The following COPB2 variants were observed in gnomAD, a reference collection of about 807,000 sequenced individuals.
COPB2 encodes coatomer subunit beta'.
COPB2 carries 16 observed loss-of-function variants against 120.8 expected under a neutral mutation model. That is an observed-to-expected ratio of 0.13 (90% confidence interval 0.09 to 0.20). The LOEUF (loss-of-function observed/expected upper bound fraction) is 0.20, where lower values mean the gene tolerates loss of function less well. COPB2 is among the 10% of genes least tolerant of loss of function. The pLI, the probability that COPB2 is intolerant of heterozygous loss-of-function variation, is 1.00. For synonymous variants in COPB2, 332 were observed against 366.3 expected (o/e 0.91, Z 1.07); for missense variants, 794 against 1,076.5 (o/e 0.74, Z 3.67).
At chr3:139,378,234 C>T in intron 4 of COPB2, 45 bp from the exon 5 acceptor site, 4 of 1,490,438 alleles carry the variant, frequency 2.7e-6, no homozygotes, top group Non-Finnish European at 3.6e-6. Context: ...TCTATTTTTT[C>T]ACTTCATAAC....
In COPB2 at chr3:139,373,648, G is replaced by A. The variant is rs1941663122; in HGVS notation, c.894+18C>T. The A allele has an allele frequency of 1.2e-6, 2 of 1,613,872 alleles. No homozygotes were observed. Among genetic ancestry groups the A allele is most frequent in the Non-Finnish European group, 1.7e-6 (2 of 1,179,938 alleles). The stretch of plus-strand genomic sequence containing the variant: ...GGTTTTGCCTATGTCCACCTACTGA[G>A]AGGGATAGTATAATTACCTTAACAA... On this transcript the variant is annotated intron_variant, in intron 8 of 21. Coordinates refer to ENST00000333188, the MANE Select transcript of COPB2 (RefSeq NM_004766.3).
chr3:139,385,720 A>G (rs1941907906), intron 1 of COPB2, among the ~76,000 whole-genome samples: 1 of 152,260 alleles, frequency 6.6e-6, no homozygotes, highest in African/African-American at 2.4e-5. Context: ...CCTTTGAATT[A>G]CAGAACAGAT....
chr3:139,378,172 G>C lies in COPB2; in HGVS notation c.373C>G (p.Leu125Val), dbSNP rs771491387. The change falls in exon 5 of 22, where the codon CTC (leucine) becomes GTC (valine). Residue 125 changes from leucine to valine, a missense_variant. By Grantham distance (32) the Leu-to-Val change is conservative. This residue lies in a region of COPB2 where 610 missense variants were observed against 866.7 expected (regional missense o/e 0.70). Transcript: ENST00000333188. ...GACCATTTTTTATCCCAGTCCCAGA[G>C]CTTAATAAGCATGTCATCTAGGCCA... Reference protein sequence around the residue: ...LTSSDDMLIKLWDWDKKWSCS... With the variant: ...LTSSDDMLIKVWDWDKKWSCS... 14 of 1,571,594 alleles carry C rather than the reference G, an allele frequency of 8.9e-6. No homozygotes were observed. The highest frequency in any genetic ancestry group is 1.3e-5 in the African/African-American group (1 of 74,462).
rs1237405206 is a variant in COPB2, at chr3:139,365,734, C to T, written c.1884+834G>A. 2.0e-5 allele frequency among the ~76,000 whole-genome samples: 3 copies of T among 151,934 alleles called. No individual in the cohort carries two copies. The East Asian group carries it at 5.8e-4, about 29-fold the overall frequency. ...AGCAAAGTCCAGGGAGAATTAACCA[C>T]AGGTACATAGAAAATTAAGCAAAGG... On this transcript the variant is annotated intron_variant, in intron 15 of 21. Coordinates refer to ENST00000333188, the MANE Select transcript of COPB2 (RefSeq NM_004766.3).
In COPB2 at chr3:139,374,273, G is replaced by A. The variant is rs966491544; in HGVS notation, c.751+216C>T. On this transcript the variant is annotated intron_variant, in intron 7 of 21. Transcript: ENST00000333188. ...TGACGGTCCTCTTATTTAAGTGACA[G>A]AATCAAAATACATGAGAATGATGAC... 5.7e-6 allele frequency: 3 copies of A among 528,844 alleles called. No homozygotes were observed. In the African/African-American group the frequency reaches 5.8e-5, roughly 10 times the overall value. The allele number at this position is 528,844 out of a possible 1,614,324, so 32.8% of individuals were successfully genotyped here.
In COPB2 at chr3:139,367,126, T is replaced by A; in HGVS notation, c.1565A>T (p.Glu522Val). ...TACCCAAAGCCCTGTTTTCACAATT[T>A]CCTGAATCTCACCAAGAACCTGCAG... is the stretch of plus-strand genomic sequence containing the variant. ...DAFEVLGEIQEIVKTGLWVGD... is the reference protein window; with the variant it reads ...DAFEVLGEIQVIVKTGLWVGD... Residue 522 changes from glutamate (E) to valine (V), a missense_variant, in exon 14 of 22, where the codon GAA becomes GTA. Coordinates refer to ENST00000333188, the MANE Select transcript of COPB2 (RefSeq NM_004766.3). The A allele has an allele frequency of 6.2e-7, 1 of 1,613,768 alleles. No homozygotes were observed. The highest frequency in any genetic ancestry group is 8.5e-7 in the Non-Finnish European group (1 of 1,179,866).
intron 9 of COPB2, 147 bp downstream of exon 9, chr3:139,373,066 G>A: frequency 1.4e-6 from 1 of 725,650 alleles, no homozygotes; most frequent in South Asian, 1.7e-5. Context: ...ATGGCTGACT[G>A]CAGCTGTGTT....
chr3:139,370,144 AG>A (rs1318265590), intron 10 of COPB2, among the ~76,000 whole-genome samples: 1 of 152,190 alleles, frequency 6.6e-6, no homozygotes, highest in Non-Finnish European at 1.5e-5. Flanking sequence ...TTGTGTTAGT[AG>A]TTACGGATTA....
chr3:139,358,315 C>T, intron 20 of COPB2, 44 bp from the exon 21 acceptor site: 1 of 1,533,162 alleles, frequency 6.5e-7, no homozygotes, highest in Non-Finnish European at 9.0e-7. Flanking sequence ...AGGGAATTTA[C>T]TCGGGAATTT....
At chr3:139,376,855 T>C (rs567351472) in intron 5 of COPB2, among the ~76,000 whole-genome samples, 1 of 152,248 alleles carries the variant, frequency 6.6e-6, no homozygotes, top group Non-Finnish European at 1.5e-5. Flanking sequence ...GTTCATGCCA[T>C]TCTCCTGCCT....
chr3:139,369,589 A>T (rs1365258867), intron 10 of COPB2, 45 bp from the exon 11 acceptor site: 8 of 1,124,420 alleles, frequency 7.1e-6, no homozygotes, highest in Non-Finnish European at 1.0e-5. Context: ...TATATACTAA[A>T]TCATAGTTCT....
rs1277168241 is a variant in COPB2, at chr3:139,373,652, G to A, written c.894+14C>T. 2 of 1,613,858 alleles carry A rather than the reference G, an allele frequency of 1.2e-6. No homozygotes were observed. Among genetic ancestry groups the A allele is most frequent in the African/African-American group, 2.7e-5 (2 of 74,882 alleles). Reference sequence around the variant, plus strand: ...TTGCCTATGTCCACCTACTGAGAGGGATAGTATAATTACCTTAACAATGAT... The same window carrying A: ...TTGCCTATGTCCACCTACTGAGAGGAATAGTATAATTACCTTAACAATGAT... On this transcript the variant is annotated intron_variant, in intron 8 of 21. Coordinates refer to ENST00000333188, the MANE Select transcript of COPB2 (RefSeq NM_004766.3).
At chr3:139,371,617 T>C (rs1292988318) in intron 10 of COPB2, 106 bp downstream of exon 10, 1 of 942,804 alleles carries the variant, frequency 1.1e-6, no homozygotes, top group Non-Finnish European at 1.6e-6. Flanking sequence ...GAGAACTGTT[T>C]TTTAACACGG....
intron 1 of COPB2, chr3:139,388,358 T>C (rs1289719824): frequency 6.9e-6 from 1 of 145,916 alleles, no homozygotes; most frequent in South Asian, 2.2e-4. Flanking sequence ...AAGCGTTCCA[T>C]ATTTTTTATA....
At chr3:139,385,874 T>C (rs1941910233) in intron 1 of COPB2, among the ~76,000 whole-genome samples, 1 of 152,230 alleles carries the variant, frequency 6.6e-6, no homozygotes, top group Admixed American at 6.5e-5. Flanking sequence ...TTAAAATATA[T>C]TTCCCCTTCA....
chr3:139,377,921 A>G (rs780179019), intron 5 of COPB2, 120 bp downstream of exon 5: 8 of 968,028 alleles, frequency 8.3e-6, no homozygotes, highest in Non-Finnish European at 1.1e-5. Flanking sequence ...TTTGACTTCA[A>G]AACAGGCTTT....
intron 5 of COPB2, among the ~76,000 whole-genome samples, chr3:139,376,178 G>A (rs1941710462): frequency 6.6e-6 from 1 of 152,174 alleles, no homozygotes; most frequent in Non-Finnish European, 1.5e-5. Context: ...GATCGCTTTA[G>A]CCCAGAAGTT....
Position 139,383,404 on chromosome 3 carries a change from G to C in COPB2, c.35C>G (p.Thr12Ser). ...PLRLDIKRKL[T>S]ARSDRVKSVD... ...ACTCTTAACTCGATCAGATCTAGCA[G>C]TTAGCTTTCTTTTGATATCAAGTCG... The change falls in exon 2 of 22, where the codon ACT becomes AGT. Residue 12 changes from threonine to serine, a missense_variant. Thr to Ser is a moderately conservative substitution (Grantham distance 58). This residue lies in a region of COPB2 where 610 missense variants were observed against 866.7 expected (regional missense o/e 0.70). Coordinates refer to ENST00000333188, the MANE Select transcript of COPB2 (RefSeq NM_004766.3). 6.3e-7 allele frequency: 1 copy of C among 1,580,970 alleles called. No homozygotes were observed. Among genetic ancestry groups the C allele is most frequent in the Non-Finnish European group, 8.6e-7 (1 of 1,164,806 alleles).
In COPB2 at chr3:139,389,619, C is replaced by G; in HGVS notation, c.-69G>C. The G allele has an allele frequency of 6.8e-7, 1 of 1,465,076 alleles. No individual in the cohort carries two copies. Among genetic ancestry groups the G allele is most frequent in the Non-Finnish European group, 9.4e-7 (1 of 1,067,574 alleles). The allele number at this position is 1,465,076 out of a possible 1,614,324, so 90.8% of individuals were successfully genotyped here. A position where few individuals can be genotyped will look rare whatever the true frequency, so the allele number is the denominator to read the frequency against. ...TACTCAGGCCTTGAGATAAACCCAC[C>G]GATCCACTGACCGTCAGACTGACTG... On this transcript the variant is annotated 5_prime_UTR_variant, in exon 1 of 22. Transcript: ENST00000333188.
Sources: gnomAD v4.1 joint callset for allele counts (sites outside exome capture counted in the v4.1 genomes callset) on GRCh38, gnomAD v4.1.1 for gene constraint, gnomAD v4.1.1 regional missense constraint, MANE v1.5 for transcripts, NCBI Gene and HGNC (gene_info 2026-07-23, HGNC 2026-07-21) for gene names.